SREK1IP1: variants seen among roughly 807,000 people sequenced by gnomAD.
The protein encoded by SREK1IP1 is protein SREK1IP1.
SREK1IP1 carries 12 observed loss-of-function variants against 22.8 expected under a neutral mutation model. That is an observed-to-expected ratio of 0.53 (90% CI 0.34 to 0.85). SREK1IP1 has a LOEUF of 0.85. SREK1IP1 is among the 40% of genes least tolerant of loss of function. The pLI is 0.02. For synonymous variants in SREK1IP1, 53 were observed against 52.7 expected (o/e 1.01, Z -0.02); for missense variants, 147 against 171.8 (o/e 0.86, Z 0.81).
At chr5:64,765,388 T>C (rs192357489) in intron 1 of SREK1IP1, among the ~76,000 whole-genome samples, 13 of 152,328 alleles carry the variant, frequency 8.5e-5, no homozygotes, top group African/African-American at 3.1e-4. Context: ...TCATAATCAC[T>C]AGCAGGACCA....
chr5:64,743,191 G>A (rs549614869), intron 2 of SREK1IP1, among the ~76,000 whole-genome samples: 1 of 152,234 alleles, frequency 6.6e-6, no homozygotes, highest in South Asian at 2.1e-4. Context: ...GACAACACAG[G>A]TCCCATAAGA....
chr5:64,768,413 T>TG, intron 1 of SREK1IP1, 92 bp downstream of exon 1: 1 of 1,546,222 alleles, frequency 6.5e-7, no homozygotes, highest in South Asian at 1.1e-5. Context: ...TAAATCCCCA[T>TG]GGGCGCTGCT....
intron 2 of SREK1IP1, among the ~76,000 whole-genome samples, chr5:64,750,469 ACCCACCACTCC>A (rs1443973419): frequency 2.0e-5 from 3 of 152,132 alleles, no homozygotes; most frequent in Admixed American, 6.5e-5. Context: ...CTGGGTTGTT[ACCCACCACTCC>A]CCCACCACCT....
At chr5:64,745,511 C>T (rs899322099) in intron 2 of SREK1IP1, among the ~76,000 whole-genome samples, 2 of 151,922 alleles carry the variant, frequency 1.3e-5, no homozygotes, top group Non-Finnish European at 2.9e-5. Context: ...ATTGCTTGAA[C>T]CTGGGAGGTG....
chr5:64,733,133 G>T (rs1430814481), intron 3 of SREK1IP1, among the ~76,000 whole-genome samples: 1 of 151,804 alleles, frequency 6.6e-6, no homozygotes, highest in East Asian at 1.9e-4. Context: ...ATAGGCAAAG[G>T]TTCTTATATT....
intron 3 of SREK1IP1, 82 bp downstream of exon 3, chr5:64,740,975 T>A (rs1285883515): frequency 1.6e-6 from 2 of 1,257,938 alleles, no homozygotes; most frequent in Non-Finnish European, 2.2e-6. Flanking sequence ...AAAGAGATCT[T>A]AGTAAGTATA....
chr5:64,749,072 A>T (rs1004424908), intron 2 of SREK1IP1, among the ~76,000 whole-genome samples: 3 of 126,652 alleles, frequency 2.4e-5, no homozygotes, highest in African/African-American at 4.3e-5. Flanking sequence ...AATAATAATA[A>T]TAATAATAAT....
In SREK1IP1 at chr5:64,768,600, C is replaced by G; in HGVS notation, c.-83G>C. ...GCCAGCTGTGAGAACAAGGCACAGT[C>G]AAAGCGGCGTTTTCCTTCCCCCAGC... is the stretch of plus-strand genomic sequence containing the variant. On this transcript the variant is annotated 5_prime_UTR_variant, in exon 1 of 5. Coordinates refer to ENST00000513458, the MANE Select transcript of SREK1IP1 (RefSeq NM_173829.4). 1.2e-6 allele frequency: 2 copies of G among 1,605,082 alleles called. No homozygotes were observed. Among genetic ancestry groups the G allele is most frequent in the East Asian group, 2.2e-5 (1 of 44,816 alleles).
At position 64,723,832 on chromosome 5, in the gene SREK1IP1, C is replaced by T. The variant is rs1742214676; in HGVS notation, c.*552G>A. On this transcript the variant is annotated 3_prime_UTR_variant, in exon 5 of 5. Transcript: ENST00000513458. The stretch of plus-strand genomic sequence containing the variant: ...TTCATTTAAAAAGTCCTAGTCAAGA[C>T]CATTAAGCAGCTGCATCTTCTACAA... The T allele has an allele frequency of 6.6e-6, 1 of 152,444 alleles. No homozygotes were observed. Among genetic ancestry groups the T allele is most frequent in the South Asian group, 2.1e-4 (1 of 4,816 alleles). The allele number at this position is 152,444 out of a possible 1,614,324, so 9.4% of individuals were successfully genotyped here.
In SREK1IP1 at chr5:64,720,995, A is replaced by G. The variant is rs1742153193; in HGVS notation, c.*3389T>C. ...TGCTTGTAATTCTTGACAAACACAT[A>G]ACACAGCTTGTTCTACCTCTGGTGT... On this transcript the variant is annotated 3_prime_UTR_variant, in exon 5 of 5. Transcript: ENST00000513458. 2.0e-5 allele frequency: 3 copies of G among 152,214 alleles called. No homozygotes were observed. The highest frequency in any genetic ancestry group is 2.0e-4 in the Admixed American group (3 of 15,282). The allele number at this position is 152,214 out of a possible 1,614,324, so 9.4% of individuals were successfully genotyped here. A position where few individuals can be genotyped will look rare whatever the true frequency, so the allele number is the denominator to read the frequency against.
At position 64,741,159 on chromosome 5, in the gene SREK1IP1, C is replaced by G. The variant is rs1742545151; in HGVS notation, c.103G>C (p.Asp35His). 2 of 1,612,150 alleles carry G rather than the reference C, an allele frequency of 1.2e-6. No individual in the cohort carries two copies. The highest frequency in any genetic ancestry group is 1.1e-5 in the South Asian group (1 of 90,858). ...TCCAAAACTATGTCCCTTTTAGGGT[C>G]TACTCGGAGAAAATTGCGGCATTCA... is the stretch of plus-strand genomic sequence containing the variant. ...TFECRNFLRV[D>H]PKRDIVLDVS... is the part of the protein sequence containing the mutation. The change falls in exon 3 of 5, where the codon GAC (aspartate) becomes CAC (histidine). Residue 35 changes from aspartate (D) to histidine (H), a missense_variant. Around this residue, in one of 3 missense-constraint regions of SREK1IP1, gnomAD observed 62 missense variants for 73.3 expected, o/e 0.85. Transcript: ENST00000513458.
intron 1 of SREK1IP1, among the ~76,000 whole-genome samples, chr5:64,764,404 G>C (rs1169042956): frequency 6.6e-6 from 1 of 152,194 alleles, no homozygotes; most frequent in Non-Finnish European, 1.5e-5. Flanking sequence ...GTAGTTACAG[G>C]CAATATAGGA....
intron 1 of SREK1IP1, among the ~76,000 whole-genome samples, chr5:64,762,207 T>G (rs560727540): frequency 1.1e-3 from 162 of 152,308 alleles, no homozygotes; most frequent in African/African-American, 3.8e-3. Context: ...TTAAAATATT[T>G]CCTAGAATCG....
chr5:64,751,404 A>G (rs909676595), intron 2 of SREK1IP1, among the ~76,000 whole-genome samples: 2 of 152,268 alleles, frequency 1.3e-5, no homozygotes, highest in African/African-American at 4.8e-5. Context: ...TGTTTCTAGG[A>G]AACAAAAGCT....
At chr5:64,744,356 C>T (rs538827425) in intron 2 of SREK1IP1, among the ~76,000 whole-genome samples, 1 of 152,142 alleles carries the variant, frequency 6.6e-6, no homozygotes, top group East Asian at 1.9e-4. Context: ...TCCTTTCTTT[C>T]GTTCCTGCTT....
intron 1 of SREK1IP1, among the ~76,000 whole-genome samples, chr5:64,766,900 TATAA>T (rs1419543063): frequency 6.6e-6 from 1 of 152,236 alleles, no homozygotes; most frequent in East Asian, 1.9e-4. Context: ...ATATTTGACT[TATAA>T]ATATTAGTCA....
chr5:64,743,457 C>T (rs1329873587), intron 2 of SREK1IP1, among the ~76,000 whole-genome samples: 3 of 152,168 alleles, frequency 2.0e-5, no homozygotes, highest in Non-Finnish European at 4.4e-5. Flanking sequence ...TGTTGTTAAA[C>T]AACACAACCA....
chr5:64,757,107 T>C (rs1742854663), intron 1 of SREK1IP1, among the ~76,000 whole-genome samples: 1 of 152,258 alleles, frequency 6.6e-6, no homozygotes, highest in Non-Finnish European at 1.5e-5. Flanking sequence ...TTTAATATTA[T>C]TTTAAAGTAT....
chr5:64,757,437 T>C (rs1478732266), intron 1 of SREK1IP1, among the ~76,000 whole-genome samples: 1 of 152,226 alleles, frequency 6.6e-6, no homozygotes, highest in Non-Finnish European at 1.5e-5. Flanking sequence ...ACTACAATAC[T>C]TGTTTTAAAA....
Sources: gnomAD v4.1 joint callset for allele counts (sites outside exome capture counted in the v4.1 genomes callset) on GRCh38, gnomAD v4.1.1 for gene constraint, gnomAD v4.1.1 regional missense constraint, MANE v1.5 for transcripts, NCBI Gene and HGNC (gene_info 2026-07-23, HGNC 2026-07-21) for gene names.